ARSG: variants seen among roughly 807,000 people sequenced by gnomAD.
The protein encoded by ARSG is arylsulfatase G.
Under a neutral mutation model 50.5 loss-of-function variants are expected in ARSG, and 37 were observed. The ratio of observed to expected loss-of-function variants is 0.73; its 90% CI spans 0.56 to 0.96. ARSG has a LOEUF of 0.96. Among genes scored for constraint, ARSG ranks in the 50% least tolerant of loss-of-function variants. The pLI is 0.00. For missense variants in ARSG, 629 were observed against 675.3 expected, an observed-to-expected ratio of 0.93 and a Z score of 0.76; for synonymous variants, 225 against 254.6, an observed-to-expected ratio of 0.88 and a Z score of 1.11.
chr17:68,365,860 A>C, intron 6 of ARSG, among the ~76,000 whole-genome samples: 1 of 152,242 alleles, frequency 6.6e-6, no homozygotes, highest in Middle Eastern at 3.2e-3. Flanking sequence ...CCATGAGCCT[A>C]CATCATAGCA....
chr17:68,297,478 C>T (rs921203261), intron 1 of ARSG, among the ~76,000 whole-genome samples: 8 of 152,122 alleles, frequency 5.3e-5, no homozygotes, highest in Non-Finnish European at 1.2e-4. Context: ...ACTATGGTGG[C>T]GTGTTTGTAG....
chr17:68,427,914 G>C, the ARSG span, among the ~76,000 whole-genome samples: 97 of 152,238 alleles, frequency 6.4e-4, no homozygotes, highest in African/African-American at 2.2e-3. Context: ...TTTTGAGACA[G>C]GGTCTCACTC....
chr17:68,379,328 C>T lies in ARSG; in HGVS notation c.983-5736C>T, dbSNP rs2080308907. 2.0e-5 allele frequency among the ~76,000 whole-genome samples: 3 copies of T among 151,876 alleles called. No homozygotes were observed. In the South Asian group the frequency reaches 6.2e-4, roughly 32 times the overall value. On this transcript the variant is annotated intron_variant, in intron 8 of 11. Transcript: ENST00000621439. The stretch of plus-strand genomic sequence containing the variant: ...TGATCATGGCTCACTGCAGCCTTGA[C>T]CTCCGGGGCTCAAGCAATCCTCCTG...
chr17:68,326,743 A>C (rs1555772612), intron 2 of ARSG, among the ~76,000 whole-genome samples: 1 of 152,082 alleles, frequency 6.6e-6, no homozygotes, highest in African/African-American at 2.4e-5. Flanking sequence ...CTTGGGGAGG[A>C]GGGGAGTTGA....
chr17:68,363,025 A>G (rs776568437), intron 6 of ARSG, among the ~76,000 whole-genome samples: 1 of 152,230 alleles, frequency 6.6e-6, no homozygotes, highest in Middle Eastern at 3.2e-3. Context: ...TGAATTAGAC[A>G]TGTCCAGTCT....
rs1308538236 is a variant in ARSG, at chr17:68,420,452, C to A, written c.1567C>A (p.Gln523Lys). Residue 523 changes from glutamine to lysine, a missense_variant, in exon 12 of 12, where the codon CAA becomes AAA. Physicochemically the swap from Gln to Lys is moderately conservative, Grantham distance 53. Coordinates refer to ENST00000621439, the MANE Select transcript of ARSG (RefSeq NM_001267727.2). ...CNPYQIACRC[Q>K]AA ...TCCCTACCAAATTGCCTGCCGCTGT[C>A]AAGCCGCATAACAGACCAATTTTTA... 5.0e-6 allele frequency: 8 copies of A among 1,613,880 alleles called. No homozygotes were observed. Among genetic ancestry groups the A allele is most frequent in the Non-Finnish European group, 8.5e-7 (1 of 1,179,854 alleles).
intron 4 of ARSG, among the ~76,000 whole-genome samples, chr17:68,349,855 C>T (rs1002801132): frequency 6.6e-6 from 1 of 152,152 alleles, no homozygotes; most frequent in African/African-American, 2.4e-5. Flanking sequence ...GCACTCCAGC[C>T]TGGGAGACAG....
intron 1 of ARSG, chr17:68,272,842 G>T: frequency 6.3e-7 from 1 of 1,574,802 alleles, no homozygotes; most frequent in South Asian, 1.2e-5. Context: ...TAAAAGATCT[G>T]GGATTTTTGG....
chr17:68,385,235 G>A (rs1256461598), intron 9 of ARSG, 63 bp downstream of exon 9: 9 of 1,480,384 alleles, frequency 6.1e-6, no homozygotes, highest in African/African-American at 1.4e-5. Context: ...TGGAGGCATG[G>A]GTGGCTAGAT....
chr17:68,424,594 G>A (rs774451730), downstream of ARSG: 17 of 481,708 alleles, frequency 3.5e-5, no homozygotes, highest in Admixed American at 3.2e-4. Flanking sequence ...CACTACTTCC[G>A]GCCGGGTGCG....
chr17:68,269,973 C>A (rs1555747949), intron 1 of ARSG, among the ~76,000 whole-genome samples: 1 of 151,904 alleles, frequency 6.6e-6, no homozygotes, highest in African/African-American at 2.4e-5. Flanking sequence ...GCGCCCGGCC[C>A]GTTTTAGGTA....
At chr17:68,391,057 G>A (rs935473551) in intron 9 of ARSG, among the ~76,000 whole-genome samples, 3 of 152,028 alleles carry the variant, frequency 2.0e-5, no homozygotes, top group Non-Finnish European at 4.4e-5. Context: ...GTATAGGTTT[G>A]TATTTATTTT....
At chr17:68,295,891 G>A (rs988000321) in intron 1 of ARSG, among the ~76,000 whole-genome samples, 1 of 151,932 alleles carries the variant, frequency 6.6e-6, no homozygotes, top group Non-Finnish European at 1.5e-5. Context: ...TGTTGGCCAG[G>A]CTGGTCTCGA....
At chr17:68,407,830 A>T (rs376696001) in intron 11 of ARSG, among the ~76,000 whole-genome samples, 1 of 151,996 alleles carries the variant, frequency 6.6e-6, no homozygotes, top group Admixed American at 6.6e-5. Context: ...CTCTTTACTG[A>T]TTTGAATGCC....
rs782132168 is a variant in ARSG, at chr17:68,307,123, C to T, written c.-371C>T. 3 of 212,956 alleles carry T rather than the reference C, an allele frequency of 1.4e-5. No homozygotes were observed. The highest frequency in any genetic ancestry group is 2.8e-5 in the Non-Finnish European group (3 of 106,152). The allele number at this position is 212,956 out of a possible 1,614,324, so 13.2% of individuals were successfully genotyped here. Reference sequence around the variant, plus strand: ...TGCTGTGGCTCTGAGGCCCTGAATACAGAAGGGTCACTTTCTTAGTGGCCA... The same window carrying T: ...TGCTGTGGCTCTGAGGCCCTGAATATAGAAGGGTCACTTTCTTAGTGGCCA... On this transcript the variant is annotated 5_prime_UTR_variant, in exon 2 of 12. Coordinates refer to ENST00000621439, the MANE Select transcript of ARSG (RefSeq NM_001267727.2).
At chr17:68,405,876 C>T (rs1486816045) in intron 11 of ARSG, among the ~76,000 whole-genome samples, 1 of 152,148 alleles carries the variant, frequency 6.6e-6, no homozygotes, top group Non-Finnish European at 1.5e-5. Flanking sequence ...TCTTTTCCTA[C>T]CATTTCACTT....
chr17:68,334,118 G>A (rs545033106), intron 2 of ARSG, among the ~76,000 whole-genome samples: 8 of 152,204 alleles, frequency 5.3e-5, no homozygotes, highest in South Asian at 2.1e-4. Context: ...ATATGTTGGC[G>A]CACACACCTT....
At chr17:68,426,092 C>T (rs762830321), downstream of ARSG, 8 of 1,612,786 alleles carry the variant, frequency 5.0e-6, no homozygotes, top group Admixed American at 3.3e-5. Flanking sequence ...AACTCATTCT[C>T]ATCATCAAGA....
intron 5 of ARSG, among the ~76,000 whole-genome samples, chr17:68,355,856 C>T (rs2079010977): frequency 6.6e-6 from 1 of 151,920 alleles, no homozygotes; most frequent in South Asian, 2.1e-4. Context: ...TAAAATTGTC[C>T]CAACCCATCT....
Sources: gnomAD v4.1 joint callset for allele counts (sites outside exome capture counted in the v4.1 genomes callset) on GRCh38, gnomAD v4.1.1 for gene constraint, MANE v1.5 for transcripts, NCBI Gene and HGNC (gene_info 2026-07-23, HGNC 2026-07-21) for gene names.